The following PREP variants were observed in gnomAD, a reference collection of about 807,000 sequenced individuals.
The protein encoded by PREP is prolyl endopeptidase.
Under a neutral mutation model 87.6 loss-of-function variants are expected in PREP, and 29 were observed. The observed-to-expected ratio is 0.33, with a 90% confidence interval of 0.25 to 0.45. PREP has a LOEUF of 0.45. Ranked by LOEUF, PREP falls within the 20% of genes least tolerant of loss-of-function variation. The pLI, the probability that PREP is intolerant of heterozygous loss-of-function variation, is 1.00. For synonymous variants in PREP, 337 were observed against 328.6 expected (o/e 1.03, Z -0.28); for missense variants, 695 against 886.5 (o/e 0.78, Z 2.74).
At chr6:105,365,163 C>A (rs1182727429) in intron 6 of PREP, among the ~76,000 whole-genome samples, 2 of 152,188 alleles carry the variant, frequency 1.3e-5, no homozygotes, top group African/African-American at 4.8e-5. Flanking sequence ...AAGAGAATTG[C>A]TTGAACTTGG....
intron 5 of PREP, among the ~76,000 whole-genome samples, chr6:105,370,395 G>A (rs539941392): frequency 2.0e-5 from 3 of 151,628 alleles, no homozygotes; most frequent in South Asian, 2.1e-4. Context: ...TGCTGTCCAC[G>A]TTGTGGAACA....
intron 2 of PREP, among the ~76,000 whole-genome samples, chr6:105,391,827 G>A (rs1773157328): frequency 6.6e-6 from 1 of 152,140 alleles, no homozygotes; most frequent in Non-Finnish European, 1.5e-5. Flanking sequence ...TTTGCCAGGG[G>A]AAACAAGTAC....
intron 10 of PREP, among the ~76,000 whole-genome samples, chr6:105,292,726 C>T (rs1042771539): frequency 6.6e-6 from 1 of 152,218 alleles, no homozygotes; most frequent in Non-Finnish European, 1.5e-5. Flanking sequence ...TAAGGCTGTT[C>T]TGTCTACATT....
At chr6:105,288,411 C>T (rs1156786463) in intron 11 of PREP, among the ~76,000 whole-genome samples, 1 of 152,180 alleles carries the variant, frequency 6.6e-6, no homozygotes, top group East Asian at 1.9e-4. Context: ...AGCGCAGTGG[C>T]GTGATCTTGG....
At chr6:105,372,228 A>C (rs1772578238) in intron 5 of PREP, among the ~76,000 whole-genome samples, 1 of 151,886 alleles carries the variant, frequency 6.6e-6, no homozygotes, top group South Asian at 2.1e-4. Flanking sequence ...AACAGAAAAG[A>C]AAGCAAGGAT....
At chr6:105,356,798 C>A (rs964027268) in intron 6 of PREP, among the ~76,000 whole-genome samples, 1 of 152,154 alleles carries the variant, frequency 6.6e-6, no homozygotes, top group African/African-American at 2.4e-5. Context: ...TAGTCCAGTA[C>A]CAGTTATATC....
intron 7 of PREP, among the ~76,000 whole-genome samples, chr6:105,344,161 C>A (rs1323502606): frequency 1.3e-5 from 2 of 152,146 alleles, no homozygotes; most frequent in African/African-American, 4.8e-5. Context: ...GAAAATCTGG[C>A]ACATATACAC....
intron 7 of PREP, among the ~76,000 whole-genome samples, chr6:105,344,966 G>C (rs1032827799): frequency 6.6e-6 from 1 of 152,198 alleles, no homozygotes; most frequent in Admixed American, 6.5e-5. Context: ...AGCTCATTCA[G>C]AATAAGGAAT....
chr6:105,382,715 G>A (rs994527215), intron 2 of PREP, among the ~76,000 whole-genome samples: 20 of 151,724 alleles, frequency 1.3e-4, no homozygotes, highest in African/African-American at 4.8e-4. Context: ...CCAGGGCAGG[G>A]CAGGGTGGGC....
At chr6:105,372,988 C>T (rs1420343207) in intron 5 of PREP, among the ~76,000 whole-genome samples, 1 of 152,192 alleles carries the variant, frequency 6.6e-6, no homozygotes, top group Admixed American at 6.5e-5. Context: ...CCCCGTCTTG[C>T]AATTCTACTG....
chr6:105,402,810 G>T, intron 1 of PREP, 37 bp downstream of exon 1: 2 of 1,527,860 alleles, frequency 1.3e-6, no homozygotes. Flanking sequence ...GGGCACCTTT[G>T]CCCGGGAGCC....
chr6:105,378,206 C>T (rs1357317511), intron 2 of PREP, among the ~76,000 whole-genome samples: 3 of 152,212 alleles, frequency 2.0e-5, no homozygotes, highest in African/African-American at 7.2e-5. Flanking sequence ...TGCCTGTAAT[C>T]CCAGAACTTT....
At chr6:105,398,377 T>C (rs577849862) in intron 1 of PREP, among the ~76,000 whole-genome samples, 5 of 152,316 alleles carry the variant, frequency 3.3e-5, no homozygotes, top group Non-Finnish European at 7.4e-5. Flanking sequence ...AAAATCTCCC[T>C]GCAATATAGC....
intron 2 of PREP, among the ~76,000 whole-genome samples, chr6:105,392,514 C>T (rs1280449780): frequency 6.6e-6 from 1 of 152,090 alleles, no homozygotes; most frequent in African/African-American, 2.4e-5. Context: ...TTTCCTTTAC[C>T]TTACTTTTGG....
At chr6:105,330,662 G>A (rs754285916) in intron 8 of PREP, among the ~76,000 whole-genome samples, 1 of 152,096 alleles carries the variant, frequency 6.6e-6, no homozygotes, top group Non-Finnish European at 1.5e-5. Flanking sequence ...GCCTTTCTTG[G>A]GTTTCATGTG....
At chr6:105,285,696 T>C (rs1372644538) in intron 11 of PREP, 116 bp from the exon 12 acceptor site, 5 of 754,496 alleles carry the variant, frequency 6.6e-6, no homozygotes, top group Middle Eastern at 2.3e-4. Flanking sequence ...ATCATCTCAA[T>C]AGGAGCTTGA....
intron 10 of PREP, among the ~76,000 whole-genome samples, chr6:105,314,628 C>G (rs985782735): frequency 3.3e-5 from 5 of 152,208 alleles, no homozygotes; most frequent in African/African-American, 1.2e-4. Flanking sequence ...TCTTCAGACT[C>G]TACTTCTAAT....
intron 2 of PREP, among the ~76,000 whole-genome samples, chr6:105,393,885 G>T (rs916649127): frequency 6.6e-6 from 1 of 151,136 alleles, no homozygotes; most frequent in African/African-American, 2.4e-5. Context: ...TGTCCTGACT[G>T]GTTTTATGTA....
intron 2 of PREP, among the ~76,000 whole-genome samples, chr6:105,397,052 G>A (rs1376679227): frequency 1.3e-5 from 2 of 152,046 alleles, no homozygotes; most frequent in East Asian, 3.9e-4. Context: ...GGGTGTGGTG[G>A]CACATGCCTG....
Sources: gnomAD v4.1 joint callset for allele counts (sites outside exome capture counted in the v4.1 genomes callset) on GRCh38, gnomAD v4.1.1 for gene constraint, MANE v1.5 for transcripts, NCBI Gene and HGNC (gene_info 2026-07-23, HGNC 2026-07-21) for gene names.